Variants in DGKB observed in about 807,000 individuals in gnomAD.
DGKB encodes the protein 90 kDa diacylglycerol kinase.
DGKB carries 67 observed loss-of-function variants against 114.3 expected under a neutral mutation model. The ratio of observed to expected loss-of-function variants is 0.59; its 90% confidence interval spans 0.48 to 0.72. The LOEUF (loss-of-function observed/expected upper bound fraction) is 0.72, where lower values mean the gene tolerates loss of function less well. DGKB is among the 30% of genes least tolerant of loss of function. DGKB has a pLI of 0.00. For missense variants in DGKB, 907 were observed against 975.2 expected, an observed-to-expected ratio of 0.93 and a Z score of 0.93; for synonymous variants, 398 against 323.1, an observed-to-expected ratio of 1.23 and a Z score of -2.49.
chr7:14,567,872 G>T (rs1797826438), intron 20 of DGKB, among the ~76,000 whole-genome samples: 2 of 151,880 alleles, frequency 1.3e-5, no homozygotes, highest in Non-Finnish European at 2.9e-5. Flanking sequence ...CTCCCAAAGT[G>T]CTGGGATTAA....
chr7:14,667,637 G>C (rs890910473), intron 13 of DGKB, among the ~76,000 whole-genome samples: 1 of 151,952 alleles, frequency 6.6e-6, no homozygotes, highest in South Asian at 2.1e-4. Flanking sequence ...TTAAATGAAG[G>C]GCTACAGGTC....
At chr7:14,693,980 G>A (rs1461978948) in intron 9 of DGKB, 95 bp downstream of exon 9, 63 of 1,406,418 alleles carry the variant, frequency 4.5e-5, no homozygotes, top group Non-Finnish European at 5.9e-5. Context: ...CATGCTTAAT[G>A]GTAGAAAATG....
chr7:14,765,686 T>A (rs1037683708), intron 2 of DGKB, among the ~76,000 whole-genome samples: 3 of 151,994 alleles, frequency 2.0e-5, no homozygotes, highest in African/African-American at 4.8e-5. Context: ...TATGAAATAA[T>A]TTCCACCTTT....
intron 13 of DGKB, among the ~76,000 whole-genome samples, chr7:14,670,519 G>A (rs960925660): frequency 2.0e-5 from 3 of 151,820 alleles, no homozygotes; most frequent in Non-Finnish European, 4.4e-5. Context: ...GGCCAGGGGG[G>A]GTCTTGAACT....
At chr7:14,354,825 C>T (rs1409178574) in intron 21 of DGKB, among the ~76,000 whole-genome samples, 1 of 152,110 alleles carries the variant, frequency 6.6e-6, no homozygotes, top group Non-Finnish European at 1.5e-5. Context: ...ATCACCTCCC[C>T]TATATATTAA....
chr7:14,382,866 G>T (rs531989487), intron 21 of DGKB, among the ~76,000 whole-genome samples: 4 of 152,300 alleles, frequency 2.6e-5, no homozygotes, highest in African/African-American at 9.6e-5. Flanking sequence ...CAGCAGCAAT[G>T]GTGCCCAGTG....
intron 21 of DGKB, among the ~76,000 whole-genome samples, chr7:14,346,446 G>C (rs1027909863): frequency 1.3e-5 from 2 of 151,804 alleles, no homozygotes; most frequent in African/African-American, 4.8e-5. Context: ...ATAATGTTTA[G>C]GCTCTCACAA....
intron 14 of DGKB, 42 bp downstream of exon 14, chr7:14,630,194 A>C: frequency 7.1e-7 from 1 of 1,415,218 alleles, no homozygotes; most frequent in Non-Finnish European, 9.6e-7. Context: ...ATGTATAATG[A>C]CCTATAATTT....
intron 13 of DGKB, among the ~76,000 whole-genome samples, chr7:14,648,643 G>A (rs893015523): frequency 1.3e-5 from 2 of 152,204 alleles, no homozygotes; most frequent in South Asian, 2.1e-4. Flanking sequence ...AAGCTGGATG[G>A]AGAATGACTT....
chr7:14,325,370 T>A (rs1029896643), intron 23 of DGKB, among the ~76,000 whole-genome samples: 1 of 152,104 alleles, frequency 6.6e-6, no homozygotes, highest in Non-Finnish European at 1.5e-5. Flanking sequence ...CGATGGTAGA[T>A]GTGCAACTGA....
At chr7:14,743,106 T>C (rs1832790592) in intron 4 of DGKB, among the ~76,000 whole-genome samples, 1 of 152,166 alleles carries the variant, frequency 6.6e-6, no homozygotes, top group Admixed American at 6.5e-5. Flanking sequence ...TTATAAAAGG[T>C]TTTTAAGAAT....
At chr7:14,912,951 T>C (rs374458426) in intron 1 of DGKB, among the ~76,000 whole-genome samples, 2 of 152,198 alleles carry the variant, frequency 1.3e-5, no homozygotes, top group Admixed American at 6.5e-5. Flanking sequence ...AAGGTAATTA[T>C]TCTCCACCAT....
At chr7:14,712,664 G>A (rs1326692070) in intron 6 of DGKB, among the ~76,000 whole-genome samples, 1 of 151,710 alleles carries the variant, frequency 6.6e-6, no homozygotes, top group East Asian at 1.9e-4. Flanking sequence ...GAGTGAGACT[G>A]TGTCTCAAAA....
In DGKB at chr7:14,648,485, A is replaced by ACCCATCT. The variant is rs1445216244; in HGVS notation, c.1135-18224_1135-18218dup. ...AACAGAAAGGACATCCACACCAAAAACCCATCTGTACATCACCATCATCAA... is the reference window on the plus strand; with the variant it reads ...AACAGAAAGGACATCCACACCAAAAACCCATCTCCCATCTGTACATCACCATCATCAA... On this transcript the variant is annotated intron_variant, in intron 13 of 25. Transcript: ENST00000402815. Among the ~76,000 whole-genome samples, 5 of 142,004 alleles carry ACCCATCT rather than the reference A, an allele frequency of 3.5e-5. No homozygotes were observed. In the Admixed American group the frequency reaches 3.7e-4, roughly 11 times the overall value. The allele number at this position is 142,004 out of a possible 152,430, so 93.2% of individuals were successfully genotyped here. A position where few individuals can be genotyped will look rare whatever the true frequency, so the allele number is the denominator to read the frequency against.
At chr7:14,920,025 T>C (rs190525044) in intron 1 of DGKB, among the ~76,000 whole-genome samples, 27 of 152,296 alleles carry the variant, frequency 1.8e-4, no homozygotes, top group Admixed American at 1.5e-3. Flanking sequence ...TATTCATTTA[T>C]AGCAATACAA....
rs111763695 is a variant in DGKB at position 14,262,153 on chromosome 7, A to C, written c.2122+76362T>G. ...ATAATGACGTATCAGTTGAATTTGCAGCCTAAAAAAGGAAACCCAGTAGTC... is the reference window on the plus strand; with the variant it reads ...ATAATGACGTATCAGTTGAATTTGCCGCCTAAAAAAGGAAACCCAGTAGTC... On this transcript the variant is annotated intron_variant, in intron 23 of 25. Coordinates refer to ENST00000402815, the MANE Select transcript of DGKB (RefSeq NM_001350709.2). Among the ~76,000 whole-genome samples the C allele has an allele frequency of 3.0e-3, 464 of 152,308 alleles. 3 individuals carry two copies. The highest frequency in any genetic ancestry group is 0.011 in the African/African-American group (440 of 41,580).
intron 20 of DGKB, among the ~76,000 whole-genome samples, chr7:14,563,098 G>A (rs1351810713): frequency 6.6e-6 from 1 of 152,056 alleles, no homozygotes. Flanking sequence ...TTATGAAGGG[G>A]AATTCTGCTG....
At chr7:14,934,377 T>C (rs1292230218) in intron 1 of DGKB, among the ~76,000 whole-genome samples, 1 of 152,182 alleles carries the variant, frequency 6.6e-6, no homozygotes, top group East Asian at 1.9e-4. Flanking sequence ...AAGTGTGATA[T>C]AGAGAAAAGC....
intron 9 of DGKB, among the ~76,000 whole-genome samples, chr7:14,689,209 T>TTTATTTTTA (rs1822328351): frequency 3.2e-5 from 4 of 123,786 alleles, no homozygotes; most frequent in Admixed American, 3.2e-4. Flanking sequence ...ATTTTTTTTT[T>TTTATTTTTA]TTTTTTTTTT....
Sources: gnomAD v4.1 joint callset for allele counts (sites outside exome capture counted in the v4.1 genomes callset) on GRCh38, gnomAD v4.1.1 for gene constraint, MANE v1.5 for transcripts, NCBI Gene and HGNC (gene_info 2026-07-23, HGNC 2026-07-21) for gene names.